The following SNX8 variants were observed in gnomAD, a reference collection of about 807,000 sequenced individuals.
SNX8 encodes sorting nexin-8.
A neutral mutation model predicts 51.6 loss-of-function variants in SNX8; 25 were observed. The ratio of observed to expected loss-of-function variants is 0.48; its 90% CI spans 0.35 to 0.68. SNX8 has a LOEUF of 0.68. Among genes scored for constraint, SNX8 ranks in the 30% least tolerant of loss-of-function variants. The probability of loss-of-function intolerance (pLI) is 0.00; values close to 1 mark genes in which losing one functional copy is unlikely to be tolerated. For synonymous variants in SNX8, 324 were observed against 277.0 expected (o/e 1.17, Z -1.68); for missense variants, 695 against 624.0 (o/e 1.11, Z -1.21).
intron 7 of SNX8, among the ~76,000 whole-genome samples, chr7:2,260,525 G>A (rs904958937): frequency 2.0e-5 from 3 of 152,116 alleles, no homozygotes; most frequent in Non-Finnish European, 4.4e-5. Flanking sequence ...CGAAGATCCC[G>A]TCACCATGGA....
At chr7:2,323,833 T>G (rs960761056) in intron 1 of SNX8, among the ~76,000 whole-genome samples, 2 of 152,130 alleles carry the variant, frequency 1.3e-5, no homozygotes, top group African/African-American at 4.8e-5. Flanking sequence ...TGAGACCGAC[T>G]CTTGCTCTGT....
chr7:2,263,558 G>A (rs903292034), intron 6 of SNX8, among the ~76,000 whole-genome samples, 196 bp from the exon 7 acceptor site: 1 of 152,160 alleles, frequency 6.6e-6, no homozygotes, highest in East Asian at 1.9e-4. Flanking sequence ...TGCACCTCAG[G>A]ACCTGCTGCG....
chr7:2,271,223 G>A (rs747875684), intron 4 of SNX8, among the ~76,000 whole-genome samples: 1 of 152,212 alleles, frequency 6.6e-6, no homozygotes, highest in Non-Finnish European at 1.5e-5. Context: ...TTTTGTTTTG[G>A]TAGAGACGAA....
chr7:2,273,887 G>T (rs1224309137), intron 3 of SNX8, among the ~76,000 whole-genome samples: 2 of 150,672 alleles, frequency 1.3e-5, no homozygotes, highest in Non-Finnish European at 2.9e-5. Context: ...CTGGGCGACA[G>T]AGCGAGACTC....
chr7:2,274,284 A>G (rs1352054219), intron 3 of SNX8, among the ~76,000 whole-genome samples: 2 of 152,260 alleles, frequency 1.3e-5, no homozygotes, highest in African/African-American at 4.8e-5. Context: ...TTTATGCATC[A>G]TCGTACGATT....
In SNX8 at chr7:2,271,837, C is replaced by G. The variant is rs770345663; in HGVS notation, c.540+13G>C. On this transcript the variant is annotated intron_variant, in intron 4 of 10. Transcript: ENST00000222990. ...CCCCGGGGCCGGGACATGGGCAGGG[C>G]AGACACACTCACCGAGCCGCTGAAG... 1 of 1,594,542 alleles carries G rather than the reference C, an allele frequency of 6.3e-7. No homozygotes were observed. Among genetic ancestry groups the G allele is most frequent in the African/African-American group, 1.3e-5 (1 of 74,704 alleles).
At chr7:2,285,393 C>G (rs1342694610) in intron 1 of SNX8, among the ~76,000 whole-genome samples, 2 of 151,936 alleles carry the variant, frequency 1.3e-5, no homozygotes, top group East Asian at 1.9e-4. Flanking sequence ...AGTCTCAAAA[C>G]AAAAAAACTT....
chr7:2,268,007 CCG>C (rs1795518142), intron 5 of SNX8, among the ~76,000 whole-genome samples: 1 of 150,906 alleles, frequency 6.6e-6, no homozygotes, highest in African/African-American at 2.5e-5. Flanking sequence ...GGCCGAGACC[CCG>C]TCTGGGAGGT....
At position 2,263,461 on chromosome 7, in the gene SNX8, C is replaced by T. The variant is rs567044360; in HGVS notation, c.783-99G>A. ...CCCCGACAGATGTCCTCCACGGCAA[C>T]CTGCGTGACCCCGTCCTAGGACCCT... On this transcript the variant is annotated intron_variant, in intron 6 of 10. Coordinates refer to ENST00000222990, the MANE Select transcript of SNX8 (RefSeq NM_013321.4). 2.6e-5 allele frequency: 32 copies of T among 1,212,736 alleles called. No individual in the cohort carries two copies. In the East Asian group the frequency reaches 7.5e-4, roughly 28 times the overall value. The allele number at this position is 1,212,736 out of a possible 1,614,324, so 75.1% of individuals were successfully genotyped here.
chr7:2,352,231 A>G (rs1583133632), intron 1 of SNX8, among the ~76,000 whole-genome samples: 1 of 152,030 alleles, frequency 6.6e-6, no homozygotes, highest in Admixed American at 6.6e-5. Flanking sequence ...TTCTTCTAAT[A>G]AGGACATCAA....
upstream of SNX8, among the ~76,000 whole-genome samples, chr7:2,318,510 C>G (rs1442594947): frequency 2.8e-5 from 4 of 140,632 alleles, no homozygotes; most frequent in African/African-American, 8.1e-5. Context: ...GGCAAAAGAG[C>G]GAAACTCTGT....
rs1796571607 is a variant in SNX8 at position 2,307,540 on chromosome 7, A to G, written c.94+6788T>C. On this transcript the variant is annotated intron_variant, in intron 1 of 10. Coordinates refer to ENST00000222990, the MANE Select transcript of SNX8 (RefSeq NM_013321.4). ...CCAGCTACTCGGGAGGCTGAGGCAGAAGACTCGCTTGAACCCGGGAGGCGG... is the reference window on the plus strand; with the variant it reads ...CCAGCTACTCGGGAGGCTGAGGCAGGAGACTCGCTTGAACCCGGGAGGCGG... Among the ~76,000 whole-genome samples, 3 of 151,266 alleles carry G rather than the reference A, an allele frequency of 2.0e-5. No individual in the cohort carries two copies. In the South Asian group the frequency reaches 6.3e-4, roughly 32 times the overall value.
At chr7:2,312,761 C>A (rs994609437) in intron 1 of SNX8, among the ~76,000 whole-genome samples, 2 of 152,218 alleles carry the variant, frequency 1.3e-5, no homozygotes, top group Non-Finnish European at 2.9e-5. Context: ...CTTGTCCCCC[C>A]CCACCAAGAA....
intron 1 of SNX8, among the ~76,000 whole-genome samples, chr7:2,301,407 A>G (rs1352876912): frequency 6.6e-6 from 1 of 152,164 alleles, no homozygotes; most frequent in African/African-American, 2.4e-5. Flanking sequence ...TTTGTCTAGG[A>G]AGGAATTCAA....
intron 1 of SNX8, among the ~76,000 whole-genome samples, chr7:2,298,163 C>T (rs977615774): frequency 6.6e-6 from 1 of 151,956 alleles, no homozygotes; most frequent in Admixed American, 6.6e-5. Flanking sequence ...GGCTGGAGTA[C>T]AGTAGTGCGA....
At chr7:2,346,255 C>A (rs76926017) in intron 1 of SNX8, among the ~76,000 whole-genome samples, 6 of 151,802 alleles carry the variant, frequency 4.0e-5, no homozygotes, top group Non-Finnish European at 7.4e-5. Flanking sequence ...AGTTTGAGCT[C>A]ACATAGTGAG....
chr7:2,298,546 T>G (rs910124450), intron 1 of SNX8, among the ~76,000 whole-genome samples: 1 of 151,414 alleles, frequency 6.6e-6, no homozygotes, highest in Non-Finnish European at 1.5e-5. Flanking sequence ...ATTTTTGTAT[T>G]TTTAGTAGAG....
intron 1 of SNX8, among the ~76,000 whole-genome samples, chr7:2,322,297 C>T (rs1778534022): frequency 6.6e-6 from 1 of 152,108 alleles, no homozygotes; most frequent in Non-Finnish European, 1.5e-5. Flanking sequence ...CTTTGGGAGG[C>T]CAAGGCAGGA....
intron 1 of SNX8, among the ~76,000 whole-genome samples, chr7:2,331,272 C>T (rs1030073032): frequency 1.3e-5 from 2 of 150,828 alleles, no homozygotes; most frequent in South Asian, 2.1e-4. Flanking sequence ...TAGAAAATTC[C>T]ATCAAATCCA....
Sources: gnomAD v4.1 joint callset for allele counts (sites outside exome capture counted in the v4.1 genomes callset) on GRCh38, gnomAD v4.1.1 for gene constraint, MANE v1.5 for transcripts, NCBI Gene and HGNC (gene_info 2026-07-23, HGNC 2026-07-21) for gene names.